Variants in ITGB5 observed in about 807,000 individuals in gnomAD.
The protein encoded by ITGB5 is integrin beta-5.
ITGB5 carries 38 observed loss-of-function variants against 84.8 expected under a neutral mutation model. The observed-to-expected ratio is 0.45, with a 90% CI of 0.35 to 0.59. The LOEUF (loss-of-function observed/expected upper bound fraction) is 0.59. Among genes scored for constraint, ITGB5 ranks in the 20% least tolerant of loss-of-function variants. The probability of loss-of-function intolerance (pLI) is 0.01; values close to 1 mark genes in which losing one functional copy is unlikely to be tolerated. For missense variants in ITGB5, 905 were observed against 1,034.5 expected (o/e 0.87, Z 1.72); for synonymous variants, 393 against 414.4 (o/e 0.95, Z 0.63).
chr3:124,880,975 T>C lies in ITGB5; in HGVS notation c.70+5956A>G, dbSNP rs533152843. 2.0e-5 allele frequency among the ~76,000 whole-genome samples: 3 copies of C among 148,040 alleles called. No individual in the cohort carries two copies. In the South Asian group the frequency reaches 6.6e-4, roughly 33 times the overall value. On this transcript the variant is annotated intron_variant, in intron 1 of 14. Transcript: ENST00000296181. The stretch of plus-strand genomic sequence containing the variant: ...GGAAAAAGAAAAGAAAAAGTACATA[T>C]GTAAAAGTTTGTTTGTTTGTTTGTT...
chr3:124,837,611 T>G (rs1174165231), intron 5 of ITGB5, among the ~76,000 whole-genome samples: 1 of 152,122 alleles, frequency 6.6e-6, no homozygotes, highest in African/African-American at 2.4e-5. Flanking sequence ...GAATCCTAAA[T>G]AGAAACAGGT....
Position 124,859,297 on chromosome 3 carries a change from T to G in ITGB5, c.306A>C (p.Ala102=). 1 of 1,614,102 alleles carries G rather than the reference T, an allele frequency of 6.2e-7. No homozygotes were observed. Among genetic ancestry groups the G allele is most frequent in the Non-Finnish European group, 8.5e-7 (1 of 1,180,008 alleles). ...LPLSSKGSGS[A]GWDVIQMTPQ... is the part of the protein sequence containing the mutation. ...GTGTCATCTGAATGACGTCCCAGCC[T>G]GCAGAGCCCGAACCCTTGCTGCTGA... is the stretch of plus-strand genomic sequence containing the variant. The change falls in exon 3 of 15, where the codon GCA becomes GCC. Residue 102 remains alanine, a synonymous_variant. Transcript: ENST00000296181.
At chr3:124,868,503 G>A (rs73860430) in intron 2 of ITGB5, among the ~76,000 whole-genome samples, 4,592 of 151,674 alleles carry the variant, frequency 0.03, 229 homozygotes, top group African/African-American at 0.11. Flanking sequence ...CAAGAGGCCA[G>A]GCACAGTGGC....
Position 124,796,637 on chromosome 3 carries a change from A to T in ITGB5, c.1444T>A (p.Tyr482Asn). ...NSARCNGSGT[Y>N]VCGLCECSPG... ...CTGCACTCACACAGGCCGCAGACAT[A>T]GGTCCCGCTCCCGTTGCACCTGGCG... is the stretch of plus-strand genomic sequence containing the variant. The change falls in exon 10 of 15, where the codon TAT becomes AAT. Residue 482 changes from tyrosine to asparagine, a missense_variant. Coordinates refer to ENST00000296181, the MANE Select transcript of ITGB5 (RefSeq NM_002213.5). 1.2e-6 allele frequency: 2 copies of T among 1,614,014 alleles called. No individual in the cohort carries two copies. Among genetic ancestry groups the T allele is most frequent in the Non-Finnish European group, 1.7e-6 (2 of 1,179,980 alleles).
chr3:124,836,227 T>A (rs367831186), intron 5 of ITGB5, among the ~76,000 whole-genome samples: 4 of 134,364 alleles, frequency 3.0e-5, no homozygotes, highest in East Asian at 2.3e-4. Flanking sequence ...AAAAAAAAAA[T>A]TCAACAGGCT....
At chr3:124,861,809 C>T (rs1454870612) in intron 2 of ITGB5, among the ~76,000 whole-genome samples, 1 of 152,190 alleles carries the variant, frequency 6.6e-6, no homozygotes, top group Non-Finnish European at 1.5e-5. Flanking sequence ...ATCTGCCCGC[C>T]TCGGCCTCCC....
intron 9 of ITGB5, among the ~76,000 whole-genome samples, chr3:124,803,977 C>T (rs1681468141): frequency 1.3e-5 from 2 of 152,160 alleles, no homozygotes; most frequent in Non-Finnish European, 1.5e-5. Context: ...AATTAGTGAC[C>T]ACAGACCACT....
At chr3:124,781,499 AAAG>A (rs2064004510) in intron 10 of ITGB5, among the ~76,000 whole-genome samples, 1 of 152,176 alleles carries the variant, frequency 6.6e-6, no homozygotes, top group Admixed American at 6.5e-5. Flanking sequence ...TAGAAAAAGT[AAAG>A]AACAGAGATT....
At position 124,856,066 on chromosome 3, in the gene ITGB5, C is replaced by T. The variant is rs536587415; in HGVS notation, c.361+3176G>A. The stretch of plus-strand genomic sequence containing the variant: ...GGGATCCTTCCACCTCAGTCTCCCC[C>T]ATAGCAACGGGGTCTCACTATGTTG... On this transcript the variant is annotated intron_variant, in intron 3 of 14. Coordinates refer to ENST00000296181, the MANE Select transcript of ITGB5 (RefSeq NM_002213.5). Among the ~76,000 whole-genome samples, 4 of 152,134 alleles carry T rather than the reference C, an allele frequency of 2.6e-5. No homozygotes were observed. The East Asian group carries it at 7.7e-4, about 29-fold the overall frequency.
In ITGB5 at chr3:124,769,124, G is replaced by T; in HGVS notation, c.1917-11C>A. 6.2e-7 allele frequency: 1 copy of T among 1,612,286 alleles called. No individual in the cohort carries two copies. Among genetic ancestry groups the T allele is most frequent in the South Asian group, 1.1e-5 (1 of 91,062 alleles). On this transcript the variant is annotated splice_polypyrimidine_tract_variant and intron_variant, in intron 11 of 14. Transcript: ENST00000296181. ...CACTCGACGCAATCTCTTTGGAAAA[G>T]AGGAGATAAAGGTGGGTGTCAGATA...
At chr3:124,774,453 C>T (rs1436975811) in intron 10 of ITGB5, among the ~76,000 whole-genome samples, 1 of 152,066 alleles carries the variant, frequency 6.6e-6, no homozygotes, top group Admixed American at 6.5e-5. Flanking sequence ...GGCTGCTGCT[C>T]TGAAGATGGG....
In ITGB5 at chr3:124,815,832, C is replaced by T. The variant is rs193284718; in HGVS notation, c.1128+1789G>A. The stretch of plus-strand genomic sequence containing the variant: ...CACATAACCAGCTTACGTGTTCCCC[C>T]TCTTCCTGAAGTGTAAAGCAAATCA... On this transcript the variant is annotated intron_variant, in intron 8 of 14. Coordinates refer to ENST00000296181, the MANE Select transcript of ITGB5 (RefSeq NM_002213.5). Among the ~76,000 whole-genome samples the T allele has an allele frequency of 3.8e-3, 581 of 152,332 alleles. 3 individuals carry two copies. The highest frequency in any genetic ancestry group is 0.014 in the Middle Eastern group (4 of 294).
At chr3:124,820,057 T>C (rs1358146272) in intron 6 of ITGB5, among the ~76,000 whole-genome samples, 1 of 152,130 alleles carries the variant, frequency 6.6e-6, no homozygotes, top group East Asian at 1.9e-4. Context: ...TTCACCAAAC[T>C]AGATTCACTC....
Position 124,764,534 on chromosome 3 carries a change from T to C in ITGB5, c.2161A>G (p.Met721Val), listed in dbSNP as rs1192437253. The C allele has an allele frequency of 6.2e-7, 1 of 1,613,612 alleles. No individual in the cohort carries two copies. Among genetic ancestry groups the C allele is most frequent in the Non-Finnish European group, 8.5e-7 (1 of 1,179,674 alleles). The change falls in exon 14 of 15, where the codon ATG becomes GTG. Residue 721 changes from methionine (M) to valine (V), a missense_variant. Met to Val is a conservative substitution (Grantham distance 21). This residue lies in a region of ITGB5 where 133 missense variants were observed against 122.8 expected (regional missense o/e 1.08). Transcript: ENST00000296181. ...EPECGNTPNA[M>V]TILLAVVGSI... ...CCGACCACAGCCAGGAGGATGGTCA[T>C]GGCGTTGGGGGTGTTTCCACACTCT... is the stretch of plus-strand genomic sequence containing the variant.
At chr3:124,834,513 A>G (rs1260829177) in intron 5 of ITGB5, among the ~76,000 whole-genome samples, 3 of 98,736 alleles carry the variant, frequency 3.0e-5, no homozygotes, top group Non-Finnish European at 4.1e-5. Flanking sequence ...AGAGGAGGGA[A>G]GGAAGGAGGG....
At chr3:124,900,959 T>A (rs935262824) in intron 1 of ITGB5, among the ~76,000 whole-genome samples, 9 of 152,204 alleles carry the variant, frequency 5.9e-5, no homozygotes, top group Non-Finnish European at 1.2e-4. Flanking sequence ...TGATCTCTAA[T>A]GATTCAGTAA....
intron 4 of ITGB5, among the ~76,000 whole-genome samples, chr3:124,847,393 A>G (rs2065092146): frequency 6.6e-6 from 1 of 152,158 alleles, no homozygotes; most frequent in Non-Finnish European, 1.5e-5. Context: ...CCCTCATACA[A>G]CCACCCACCC....
At chr3:124,775,377 TGTGTGTTGGAGTGTGTGTGTGAGG>T (rs1004975511) in intron 10 of ITGB5, among the ~76,000 whole-genome samples, 8 of 151,846 alleles carry the variant, frequency 5.3e-5, no homozygotes, top group African/African-American at 1.7e-4. Context: ...CGAGCATCTG[TGTGTGTTGGAGTGTGTGTGTGAGG>T]GTGTGTTGGA....
chr3:124,871,492 C>T (rs776565143), intron 2 of ITGB5, among the ~76,000 whole-genome samples: 1 of 152,150 alleles, frequency 6.6e-6, no homozygotes, highest in African/African-American at 2.4e-5. Context: ...CCGCGCCTGG[C>T]CGAATTGATT....
Sources: gnomAD v4.1 joint callset for allele counts (sites outside exome capture counted in the v4.1 genomes callset) on GRCh38, gnomAD v4.1.1 for gene constraint, gnomAD v4.1.1 regional missense constraint, MANE v1.5 for transcripts, NCBI Gene and HGNC (gene_info 2026-07-23, HGNC 2026-07-21) for gene names.